The following PHF14 variants were observed in gnomAD, a reference collection of about 807,000 sequenced individuals.
PHF14 encodes PHD finger protein 14.
In PHF14, 55 loss-of-function variants were observed where a neutral mutation model predicts 117.9. The ratio of observed to expected loss-of-function variants is 0.47; its 90% CI spans 0.38 to 0.58. The LOEUF (loss-of-function observed/expected upper bound fraction) is 0.58. Ranked by LOEUF, PHF14 falls within the 20% of genes least tolerant of loss-of-function variation. The pLI, the probability that PHF14 is intolerant of heterozygous loss-of-function variation, is 0.00. For synonymous variants in PHF14, 409 were observed against 368.6 expected (o/e 1.11, Z -1.26); for missense variants, 978 against 1,122.2 (o/e 0.87, Z 1.84).
chr7:11,089,612 G>A (rs1274008536), intron 16 of PHF14, among the ~76,000 whole-genome samples: 1 of 152,174 alleles, frequency 6.6e-6, no homozygotes, highest in African/African-American at 2.4e-5. Flanking sequence ...CTTAACATAT[G>A]TCTATATTCT....
At chr7:11,111,253 T>C in intron 16 of PHF14, 97 bp from the exon 17 acceptor site, 1 of 520,966 alleles carries the variant, frequency 1.9e-6, no homozygotes, top group Non-Finnish European at 3.4e-6. Flanking sequence ...AGTGTTGAAG[T>C]TGAAATATAC....
chr7:11,145,495 A>G (rs1788522864), intron 17 of PHF14, among the ~76,000 whole-genome samples: 3 of 152,108 alleles, frequency 2.0e-5, no homozygotes, highest in South Asian at 4.1e-4. Flanking sequence ...CACTATAAGC[A>G]GAATAGAATT....
At chr7:11,040,293 A>G (rs1189887044) in intron 11 of PHF14, among the ~76,000 whole-genome samples, 1 of 152,124 alleles carries the variant, frequency 6.6e-6, no homozygotes, top group Non-Finnish European at 1.5e-5. Flanking sequence ...TTTCTAATTA[A>G]CCTATGGAAC....
Position 11,141,233 on chromosome 7 carries a change from A to C in PHF14, c.2773-28183A>C, listed in dbSNP as rs115175483. Among the ~76,000 whole-genome samples, 1,215 of 152,230 alleles carry C rather than the reference A, an allele frequency of 8.0e-3. 11 individuals are homozygous for C. The highest frequency in any genetic ancestry group is 0.028 in the African/African-American group (1,158 of 41,556). ...GATTGTATAATTTAAATTTAGAGCA[A>C]CTGGCCAAATTCTTTTAGATCTTGT... On this transcript the variant is annotated intron_variant, in intron 17 of 17. Coordinates refer to ENST00000634607, the MANE Select transcript of PHF14 (RefSeq NM_001007157.2).
At chr7:11,043,302 CTT>C (rs987386550) in intron 13 of PHF14, among the ~76,000 whole-genome samples, 4 of 151,272 alleles carry the variant, frequency 2.6e-5, no homozygotes, top group Non-Finnish European at 4.4e-5. Context: ...TTTTTATTAA[CTT>C]AGGCATATCG....
chr7:11,023,823 A>G (rs1289068699), intron 6 of PHF14, among the ~76,000 whole-genome samples: 1 of 152,106 alleles, frequency 6.6e-6, no homozygotes, highest in Non-Finnish European at 1.5e-5. Context: ...GTGAGACTCC[A>G]TCTCAAAAAA....
At chr7:10,995,696 G>A (rs970654293) in intron 4 of PHF14, among the ~76,000 whole-genome samples, 15 of 152,210 alleles carry the variant, frequency 9.9e-5, no homozygotes, top group African/African-American at 2.7e-4. Context: ...GCCCTGCCCC[G>A]CAGGGAGGCA....
intron 17 of PHF14, among the ~76,000 whole-genome samples, chr7:11,127,209 A>C (rs929498586): frequency 1.3e-5 from 2 of 151,214 alleles, no homozygotes; most frequent in Non-Finnish European, 2.9e-5. Flanking sequence ...TGTAGTTTGG[A>C]AGTGGGGCAT....
At chr7:11,085,985 T>C (rs1238636890) in intron 16 of PHF14, among the ~76,000 whole-genome samples, 2 of 152,202 alleles carry the variant, frequency 1.3e-5, no homozygotes, top group South Asian at 2.1e-4. Flanking sequence ...ACTTGTCTAG[T>C]TACATAATCT....
At chr7:11,144,313 C>G (rs887131896) in intron 17 of PHF14, among the ~76,000 whole-genome samples, 1 of 151,548 alleles carries the variant, frequency 6.6e-6, no homozygotes, top group Non-Finnish European at 1.5e-5. Flanking sequence ...GGATGTTTCT[C>G]AAAAAAACTA....
At chr7:11,169,327 G>A in intron 17 of PHF14, 89 bp from the exon 18 acceptor site, 1 of 615,030 alleles carries the variant, frequency 1.6e-6, no homozygotes, top group Non-Finnish European at 2.8e-6. Context: ...GTAGTTCATA[G>A]TTCTACAGAT....
chr7:11,034,689 C>T (rs1012172684), intron 7 of PHF14, among the ~76,000 whole-genome samples: 1 of 151,836 alleles, frequency 6.6e-6, no homozygotes, highest in Non-Finnish European at 1.5e-5. Context: ...GCTGGGATTA[C>T]AGGCACATGC....
chr7:11,156,182 C>T (rs1788844200), intron 17 of PHF14, among the ~76,000 whole-genome samples: 1 of 152,100 alleles, frequency 6.6e-6, no homozygotes, highest in Non-Finnish European at 1.5e-5. Flanking sequence ...TAAGACATAA[C>T]CAGTAAATCC....
intron 14 of PHF14, among the ~76,000 whole-genome samples, chr7:11,060,131 C>T (rs1785167060): frequency 6.6e-6 from 1 of 152,218 alleles, no homozygotes; most frequent in Non-Finnish European, 1.5e-5. Context: ...CCCCGCTTAG[C>T]CTCTCAAAGT....
chr7:11,015,443 A>C (rs1319849066), intron 5 of PHF14, among the ~76,000 whole-genome samples: 1 of 152,182 alleles, frequency 6.6e-6, no homozygotes, highest in African/African-American at 2.4e-5. Context: ...TATTGACATG[A>C]ATCTGTGGTC....
In PHF14 at chr7:11,130,546, T is replaced by C. The variant is rs1427079221; in HGVS notation, c.2772+19079T>C. Among the ~76,000 whole-genome samples the C allele has an allele frequency of 6.6e-6, 1 of 151,856 alleles. No homozygotes were observed. The highest frequency in any genetic ancestry group is 1.9e-4 in the East Asian group (1 of 5,200). On this transcript the variant is annotated intron_variant, in intron 17 of 17. Coordinates refer to ENST00000634607, the MANE Select transcript of PHF14 (RefSeq NM_001007157.2). This position sits in a 1 kb window ranked among gnomAD's most constrained non-coding sequence, Gnocchi z 4.2. ...GAGCAGTTTTAGGTTTATAGAAAAA[T>C]GGAGTTAAAACTACAGATTTCCCAT...
intron 14 of PHF14, among the ~76,000 whole-genome samples, chr7:11,057,956 G>A (rs1483203): frequency 0.58 from 87,709 of 152,044 alleles, 26,910 homozygotes; most frequent in East Asian, 0.85. Flanking sequence ...TAATAGGTTA[G>A]CTAATTACTG....
chr7:11,122,028 A>C (rs1189345224), intron 17 of PHF14, among the ~76,000 whole-genome samples: 2 of 151,172 alleles, frequency 1.3e-5, no homozygotes, highest in African/African-American at 2.4e-5. Flanking sequence ...ACCCCCCGAC[A>C]GGCCTCTGGT....
chr7:11,012,248 T>C (rs1783380373), intron 4 of PHF14, among the ~76,000 whole-genome samples: 1 of 152,174 alleles, frequency 6.6e-6, no homozygotes, highest in Non-Finnish European at 1.5e-5. Flanking sequence ...GAAAATACTT[T>C]AAAAATTTTA....
Sources: gnomAD v4.1 joint callset for allele counts (sites outside exome capture counted in the v4.1 genomes callset) on GRCh38, gnomAD v4.1.1 for gene constraint, Gnocchi (gnomAD v3.1) non-coding constraint, MANE v1.5 for transcripts, NCBI Gene and HGNC (gene_info 2026-07-23, HGNC 2026-07-21) for gene names.